GIMAP6: variants seen among roughly 807,000 people sequenced by gnomAD.
The protein encoded by GIMAP6 is GTPase, IMAP family member 6, also known as GTPase IMAP family member 6.
Under a neutral mutation model 9.3 loss-of-function variants are expected in GIMAP6, and 6 were observed. The observed-to-expected ratio is 0.65, with a 90% CI of 0.35 to 1.27. The LOEUF is 1.27. GIMAP6 is among the 50% of genes most tolerant of loss of function. The pLI is 0.03. For missense variants in GIMAP6, 333 were observed against 359.5 expected (o/e 0.93, Z 0.60); for synonymous variants, 156 against 151.1 (o/e 1.03, Z -0.24).
At chr7:150,628,770 T>C (rs1413087635) in intron 2 of GIMAP6, 2 of 1,429,636 alleles carry the variant, frequency 1.4e-6, no homozygotes, top group African/African-American at 1.4e-5. Context: ...AGAAACCCAA[T>C]ACCAAGGTTT....
intron 2 of GIMAP6, among the ~76,000 whole-genome samples, 193 bp downstream of exon 2, chr7:150,629,865 G>C (rs974458662): frequency 6.6e-6 from 1 of 151,980 alleles, no homozygotes; most frequent in African/African-American, 2.4e-5. Context: ...ACCTATCCAG[G>C]GGTCTTTTTT....
Position 150,626,618 on chromosome 7 carries a change from G to A in GIMAP6, c.*1101C>T, listed in dbSNP as rs891618077. 1 of 152,260 alleles carries A rather than the reference G, an allele frequency of 6.6e-6. No homozygotes were observed. Among genetic ancestry groups the A allele is most frequent in the African/African-American group, 2.4e-5 (1 of 41,432 alleles). The allele number at this position is 152,260 out of a possible 1,614,324, so 9.4% of individuals were successfully genotyped here. ...GGCTTCAGAGTTCTCCCATAAACCA[G>A]GCAGGCTGCCTCGCAAGATGTTTAA... On this transcript the variant is annotated 3_prime_UTR_variant, in exon 3 of 3. Coordinates refer to ENST00000328902, the MANE Select transcript of GIMAP6 (RefSeq NM_024711.6).
At chr7:150,630,210 C>T (rs1796369891) in intron 1 of GIMAP6, 68 bp from the exon 2 acceptor site, 8 of 1,299,098 alleles carry the variant, frequency 6.2e-6, no homozygotes, top group Non-Finnish European at 7.4e-6. Flanking sequence ...TCAACAGCCA[C>T]CTGCCTTTCG....
In GIMAP6 at chr7:150,626,264, C is replaced by A. The variant is rs537317188; in HGVS notation, c.*1455G>T. On this transcript the variant is annotated 3_prime_UTR_variant, in exon 3 of 3. Coordinates refer to ENST00000328902, the MANE Select transcript of GIMAP6 (RefSeq NM_024711.6). ...ATTTCTGATCATCTCCCAGCACTGTCTCCACCAGCTGTACTTCCCGCCCCT... is the reference window on the plus strand; with the variant it reads ...ATTTCTGATCATCTCCCAGCACTGTATCCACCAGCTGTACTTCCCGCCCCT... The A allele has an allele frequency of 1.0e-4, 16 of 152,512 alleles. No individual in the cohort carries two copies. The highest frequency in any genetic ancestry group is 3.6e-4 in the African/African-American group (15 of 41,588). The allele number at this position is 152,512 out of a possible 1,614,324, so 9.4% of individuals were successfully genotyped here.
intron 1 of GIMAP6, 144 bp downstream of exon 1, chr7:150,632,021 CACAT>C (rs1163208197): frequency 1.8e-4 from 27 of 152,288 alleles, no homozygotes; most frequent in African/African-American, 6.0e-4. Context: ...ACACAACACT[CACAT>C]ACACACACAA....
At chr7:150,629,902 G>A (rs1217324691) in intron 2 of GIMAP6, among the ~76,000 whole-genome samples, 156 bp downstream of exon 2, 5 of 151,924 alleles carry the variant, frequency 3.3e-5, no homozygotes, top group Admixed American at 2.0e-4. Flanking sequence ...GATAAGAAGG[G>A]CCCTACCCCA....
intron 1 of GIMAP6, 96 bp from the exon 2 acceptor site, chr7:150,630,238 G>GA: frequency 9.8e-7 from 1 of 1,016,706 alleles, no homozygotes; most frequent in Non-Finnish European, 1.4e-6. Flanking sequence ...CTTGCCAGAG[G>GA]AAAGTTTTTT....
At chr7:150,630,246 T>A (rs1033556511) in intron 1 of GIMAP6, 104 bp from the exon 2 acceptor site, 2 of 836,346 alleles carry the variant, frequency 2.4e-6, no homozygotes, top group Middle Eastern at 3.5e-4. Context: ...AGGAAAGTTT[T>A]TTGCATTAGT....
At chr7:150,629,324 T>C (rs1441158541) in intron 2 of GIMAP6, among the ~76,000 whole-genome samples, 5 of 152,244 alleles carry the variant, frequency 3.3e-5, no homozygotes, top group Non-Finnish European at 7.3e-5. Context: ...TACACAGGTA[T>C]TGGTAATGTC....
rs1323509666 is a variant in GIMAP6 at position 150,628,175 on chromosome 7, C to T, written c.423G>A (p.Gln141=). The part of the protein sequence containing the change: ...QLGRFTDEDQ[Q]VVRRLQEVFG... ...AGACCTCCTGCAGGCGCCTGACCAC[C>T]TGCTGATCCTCATCCGTGAACCGGC... The change falls in exon 3 of 3, where the codon CAG becomes CAA. Residue 141 remains glutamine, a synonymous_variant. Transcript: ENST00000328902. 1.2e-6 allele frequency: 2 copies of T among 1,614,244 alleles called. No homozygotes were observed. Among genetic ancestry groups the T allele is most frequent in the Non-Finnish European group, 1.7e-6 (2 of 1,180,046 alleles).
chr7:150,629,947 C>A, intron 2 of GIMAP6, 111 bp downstream of exon 2: 3 of 766,238 alleles, frequency 3.9e-6, no homozygotes, highest in Non-Finnish European at 6.5e-6. Context: ...GGGTAAATTT[C>A]TGTGACTGGG....
Position 150,628,519 on chromosome 7 carries a change from A to C in GIMAP6, c.86-7T>G, listed in dbSNP as rs763450651. ...TGTTCTTTCTCCCTTAGACCTAGAA[A>C]TATCCAAAGAAAGCAGAGGGAACTG... On this transcript the variant is annotated splice_polypyrimidine_tract_variant and splice_region_variant and intron_variant, in intron 2 of 2. Coordinates refer to ENST00000328902, the MANE Select transcript of GIMAP6 (RefSeq NM_024711.6). 1 of 1,612,516 alleles carries C rather than the reference A, an allele frequency of 6.2e-7. No individual in the cohort carries two copies. Among genetic ancestry groups the C allele is most frequent in the East Asian group, 2.2e-5 (1 of 44,878 alleles).
In GIMAP6 at chr7:150,628,494, T is replaced by G. The variant is rs531447261; in HGVS notation, c.104A>C (p.Gln35Pro). 1 of 1,613,930 alleles carries G rather than the reference T, an allele frequency of 6.2e-7. No homozygotes were observed. Among genetic ancestry groups the G allele is most frequent in the East Asian group, 2.2e-5 (1 of 44,888 alleles). ...ELSGGLREKE[Q>P]KTPRRLRLIL... Reference sequence around the variant, plus strand: ...GAGCCTCAGTCTCCTTGGGGTCTTCTGTTCTTTCTCCCTTAGACCTAGAAA... The same window carrying G: ...GAGCCTCAGTCTCCTTGGGGTCTTCGGTTCTTTCTCCCTTAGACCTAGAAA... Residue 35 changes from glutamine to proline, a missense_variant, in exon 3 of 3, where the codon CAG becomes CCG. Transcript: ENST00000328902.
In GIMAP6 at chr7:150,629,105, G is replaced by A. The variant is rs562242235; in HGVS notation, c.86-593C>T. ...CAAGGTGGCTGGAAGGAATTTGAATGAATGGGCAGAAGTCTGGGCAGTAGA... is the reference window on the plus strand; with the variant it reads ...CAAGGTGGCTGGAAGGAATTTGAATAAATGGGCAGAAGTCTGGGCAGTAGA... On this transcript the variant is annotated intron_variant, in intron 2 of 2. Transcript: ENST00000328902. Among the ~76,000 whole-genome samples the A allele has an allele frequency of 7.2e-5, 11 of 152,294 alleles. No homozygotes were observed. In the South Asian group the frequency reaches 2.3e-3, roughly 32 times the overall value.
rs528075626 is a variant in GIMAP6, at chr7:150,627,164, C to T, written c.*555G>A. 82 of 160,496 alleles carry T rather than the reference C, an allele frequency of 5.1e-4. No homozygotes were observed. The highest frequency in any genetic ancestry group is 9.5e-4 in the Non-Finnish European group (70 of 73,744). 9.9% of individuals were successfully genotyped at this position (160,496 alleles called of 1,614,324 possible). A position where few individuals can be genotyped will look rare whatever the true frequency, so the allele number is the denominator to read the frequency against. On this transcript the variant is annotated 3_prime_UTR_variant, in exon 3 of 3. Coordinates refer to ENST00000328902, the MANE Select transcript of GIMAP6 (RefSeq NM_024711.6). ...CTGTTCCTGCTTGCTCTCCTCCCAG[C>T]CCAGTCTCCAACCCTCCCCACCCAG...
At position 150,627,670 on chromosome 7, in the gene GIMAP6, AG is replaced by A; in HGVS notation, c.*48del. The A allele has an allele frequency of 1.9e-6, 3 of 1,608,450 alleles. No individual in the cohort carries two copies. Among genetic ancestry groups the A allele is most frequent in the Non-Finnish European group, 1.7e-6 (2 of 1,175,548 alleles). On this transcript the variant is annotated 3_prime_UTR_variant, in exon 3 of 3. Coordinates refer to ENST00000328902, the MANE Select transcript of GIMAP6 (RefSeq NM_024711.6). ...GAAAGAGAAACAGAGGGCTGGACAC[AG>A]GGGGGTGCAAAGGCTGATGGTGTCC... is the stretch of plus-strand genomic sequence containing the variant.
In GIMAP6 at chr7:150,627,990, G is replaced by A. The variant is rs1249357988; in HGVS notation, c.608C>T (p.Ala203Val). The A allele has an allele frequency of 6.2e-7, 1 of 1,614,266 alleles. No homozygotes were observed. Among genetic ancestry groups the A allele is most frequent in the South Asian group, 1.1e-5 (1 of 91,088 alleles). The change falls in exon 3 of 3, where the codon GCA becomes GTA. Residue 203 changes from alanine (A) to valine (V), a missense_variant. By Grantham distance (64) the Ala-to-Val change is moderately conservative. Transcript: ENST00000328902. ...ARRHCGFNNR[A>V]QGEEQEAQLR... ...TTGGGCCTCCTGCTCCTCCCCCTGT[G>A]CCCTGTTGTTGAAGCCGCAATGGCG...
intron 1 of GIMAP6, among the ~76,000 whole-genome samples, chr7:150,630,935 C>T (rs73727367): frequency 1.8e-3 from 279 of 152,316 alleles, no homozygotes; most frequent in African/African-American, 5.8e-3. Context: ...TCCCCTTTCC[C>T]ATGACAGCAA....
intron 1 of GIMAP6, 125 bp downstream of exon 1, chr7:150,632,026 ACACACACAACACAAACAT>A (rs1427003696): frequency 6.6e-6 from 1 of 152,174 alleles, no homozygotes; most frequent in Non-Finnish European, 1.5e-5. Context: ...ACACTCACAT[ACACACACAACACAAACAT>A]CACACACACA....
Sources: allele counts gnomAD v4.1 joint callset (sites outside exome capture counted in the v4.1 genomes callset), GRCh38; gene constraint gnomAD v4.1.1; transcripts MANE v1.5; gene names NCBI Gene and HGNC (gene_info 2026-07-23, HGNC 2026-07-21).